The following CGNL1 variants were observed in gnomAD, a reference collection of about 807,000 sequenced individuals.
The protein encoded by CGNL1 is cingulin like 1.
CGNL1 carries 132 observed loss-of-function variants against 141.2 expected under a neutral mutation model. That is an observed-to-expected ratio of 0.93 (90% confidence interval 0.81 to 1.08). The LOEUF (loss-of-function observed/expected upper bound fraction) is 1.08, where lower values mean the gene tolerates loss of function less well. CGNL1 is among the 50% of genes least tolerant of loss of function. The pLI is 0.00. For synonymous variants in CGNL1, 690 were observed against 622.1 expected (o/e 1.11, Z -1.63); for missense variants, 1,870 against 1,588.6 (o/e 1.18, Z -3.01).
At position 57,550,413 on chromosome 15, in the gene CGNL1, C is replaced by T. The variant is rs1289207131; in HGVS notation, c.*2923C>T. The T allele has an allele frequency of 2.0e-5, 3 of 152,572 alleles. No individual in the cohort carries two copies. The highest frequency in any genetic ancestry group is 2.9e-5 in the Non-Finnish European group (2 of 68,040). The allele number at this position is 152,572 out of a possible 1,614,324, so 9.5% of individuals were successfully genotyped here. A position where few individuals can be genotyped will look rare whatever the true frequency, so the allele number is the denominator to read the frequency against. ...TTCTGTTTTTTGCTTTAAGAACTAA[C>T]CCCGATCAAGAGTATTTTCTTTAGC... On this transcript the variant is annotated 3_prime_UTR_variant, in exon 19 of 19. Transcript: ENST00000281282.
intron 14 of CGNL1, among the ~76,000 whole-genome samples, chr15:57,532,799 T>G (rs1354011020): frequency 3.3e-5 from 5 of 152,234 alleles, no homozygotes; most frequent in Non-Finnish European, 7.3e-5. Flanking sequence ...CTAATGACCC[T>G]TAGAGCCTCA....
At chr15:57,508,430 C>T (rs1567160304) in intron 8 of CGNL1, among the ~76,000 whole-genome samples, 1 of 152,174 alleles carries the variant, frequency 6.6e-6, no homozygotes, top group Non-Finnish European at 1.5e-5. Flanking sequence ...AAGGAAGGAA[C>T]CCATCACTTT....
At position 57,481,692 on chromosome 15, in the gene CGNL1, TAGG is replaced by T. The variant is rs549671962; in HGVS notation, c.2403+19803_2403+19805del. 1.4e-4 allele frequency among the ~76,000 whole-genome samples: 22 copies of T among 152,002 alleles called. No individual in the cohort carries two copies. The South Asian group carries it at 3.5e-3, about 24-fold the overall frequency. Reference sequence around the variant, plus strand: ...TGTTTTAATTTTTTTCTGGGATAAATAGGAGTGTGAATATGTTTTAATTTTTTT... The same window carrying T: ...TGTTTTAATTTTTTTCTGGGATAAATAGTGTGAATATGTTTTAATTTTTTT... On this transcript the variant is annotated intron_variant, in intron 8 of 18. Transcript: ENST00000281282.
intron 7 of CGNL1, among the ~76,000 whole-genome samples, chr15:57,454,714 C>T (rs2063358468): frequency 6.6e-6 from 1 of 152,144 alleles, no homozygotes; most frequent in Non-Finnish European, 1.5e-5. Flanking sequence ...CTGAGAAGCC[C>T]TCAGCATTGT....
At chr15:57,468,946 G>C (rs536812538) in intron 8 of CGNL1, among the ~76,000 whole-genome samples, 2 of 152,126 alleles carry the variant, frequency 1.3e-5, no homozygotes, top group African/African-American at 4.8e-5. Context: ...TTTCCTCCTC[G>C]CCTTCCACCA....
intron 1 of CGNL1, among the ~76,000 whole-genome samples, chr15:57,432,069 T>C (rs897209254): frequency 1.3e-5 from 2 of 152,228 alleles, no homozygotes; most frequent in African/African-American, 4.8e-5. Context: ...AATTACTTGT[T>C]CAAAGCAAAC....
chr15:57,413,543 C>T (rs1352147322), intron 1 of CGNL1, among the ~76,000 whole-genome samples: 1 of 152,236 alleles, frequency 6.6e-6, no homozygotes, highest in Non-Finnish European at 1.5e-5. Context: ...CCCTCAGCCT[C>T]CCAAAGTGTT....
At chr15:57,471,466 A>G (rs2063580084) in intron 8 of CGNL1, among the ~76,000 whole-genome samples, 2 of 152,230 alleles carry the variant, frequency 1.3e-5, no homozygotes, top group Admixed American at 1.3e-4. Flanking sequence ...AAGGAGCAGA[A>G]GGTAGGGCTG....
At chr15:57,523,807 A>G (rs2031432676) in intron 11 of CGNL1, among the ~76,000 whole-genome samples, 166 bp downstream of exon 11, 1 of 152,214 alleles carries the variant, frequency 6.6e-6, no homozygotes, top group African/African-American at 2.4e-5. Context: ...TGTTGAAAAG[A>G]TAGACACTGG....
rs182228303 is a variant in CGNL1 at position 57,532,713 on chromosome 15, G to C, written c.3291+934G>C. 6.8e-4 allele frequency among the ~76,000 whole-genome samples: 103 copies of C among 152,276 alleles called. 1 individual carries two copies. Among genetic ancestry groups the C allele is most frequent in the African/African-American group, 2.4e-3 (98 of 41,550 alleles). Reference sequence around the variant, plus strand: ...TGCTAATTAACTTGTCAAGGAAAAGGCTGCATCGTAGAGCCTACTTTCTGT... The same window carrying C: ...TGCTAATTAACTTGTCAAGGAAAAGCCTGCATCGTAGAGCCTACTTTCTGT... On this transcript the variant is annotated intron_variant, in intron 14 of 18. Coordinates refer to ENST00000281282, the MANE Select transcript of CGNL1 (RefSeq NM_032866.5).
Position 57,495,012 on chromosome 15 carries a change from C to T in CGNL1, c.2404-21768C>T, listed in dbSNP as rs547188403. The stretch of plus-strand genomic sequence containing the variant: ...GGAACCGTGAAGATTGTTTTCATCA[C>T]CTCTACTGGAAATGGCTTGAATGAA... On this transcript the variant is annotated intron_variant, in intron 8 of 18. Transcript: ENST00000281282. Among the ~76,000 whole-genome samples, 12 of 152,296 alleles carry T rather than the reference C, an allele frequency of 7.9e-5. 1 individual carries two copies. Among genetic ancestry groups the T allele is most frequent in the African/African-American group, 2.4e-4 (10 of 41,546 alleles).
At chr15:57,538,801 C>G (rs1486786623) in intron 14 of CGNL1, among the ~76,000 whole-genome samples, 3 of 152,244 alleles carry the variant, frequency 2.0e-5, no homozygotes, top group Non-Finnish European at 4.4e-5. Context: ...CTTCTGGGCT[C>G]CACAGTCCCG....
At chr15:57,440,862 A>G (rs2152309645) in intron 3 of CGNL1, among the ~76,000 whole-genome samples, 1 of 152,230 alleles carries the variant, frequency 6.6e-6, no homozygotes, top group South Asian at 2.1e-4. Flanking sequence ...TCCCCTCCCC[A>G]GAGTTAACAT....
chr15:57,437,097 A>C lies in CGNL1; in HGVS notation c.-15-888A>C, dbSNP rs551936160. ...TGTTAGAAGTGAATTTCTGGTGAGG[A>C]ACCTCGGAGTGTGAGGCAGGGTGAG... On this transcript the variant is annotated intron_variant, in intron 1 of 18. Transcript: ENST00000281282. Among the ~76,000 whole-genome samples the C allele has an allele frequency of 3.0e-4, 46 of 152,260 alleles. No homozygotes were observed. The East Asian group carries it at 8.7e-3, about 29-fold the overall frequency.
At chr15:57,442,517 A>G in intron 4 of CGNL1, 39 bp downstream of exon 4, 3 of 1,267,600 alleles carry the variant, frequency 2.4e-6, no homozygotes, top group Non-Finnish European at 3.5e-6. Flanking sequence ...TGCATTTAGC[A>G]TGGAATGTGG....
chr15:57,480,166 G>A (rs2063707595), intron 8 of CGNL1, among the ~76,000 whole-genome samples: 2 of 152,124 alleles, frequency 1.3e-5, no homozygotes, highest in Non-Finnish European at 2.9e-5. Flanking sequence ...CACCTGAGAT[G>A]GGTAATTTTT....
rs541624841 is a variant in CGNL1, at chr15:57,442,353, C to T, written c.1698-20C>T. On this transcript the variant is annotated intron_variant, in intron 3 of 18. Transcript: ENST00000281282. ...CAGTGGTTGTGTCCCTCATTGTTTT[C>T]TCTGCTGTCCCTTTTTCAGAAGCAC... 6.6e-7 allele frequency: 1 copy of T among 1,517,382 alleles called. No homozygotes were observed. The highest frequency in any genetic ancestry group is 9.1e-7 in the Non-Finnish European group (1 of 1,093,086). The allele number at this position is 1,517,382 out of a possible 1,614,324, so 94.0% of individuals were successfully genotyped here. A position where few individuals can be genotyped will look rare whatever the true frequency, so the allele number is the denominator to read the frequency against.
At chr15:57,394,840 A>C (rs1395092241) in intron 1 of CGNL1, among the ~76,000 whole-genome samples, 1 of 152,176 alleles carries the variant, frequency 6.6e-6, no homozygotes, top group Non-Finnish European at 1.5e-5. Flanking sequence ...GGCTGGGCGC[A>C]GTGGCTCATG....
At chr15:57,481,024 A>G (rs1458188711) in intron 8 of CGNL1, among the ~76,000 whole-genome samples, 4 of 133,710 alleles carry the variant, frequency 3.0e-5, no homozygotes, top group East Asian at 2.3e-4. Flanking sequence ...AATAAATAGT[A>G]TGTTTGTTAG....
Sources: gnomAD v4.1 joint callset for allele counts (sites outside exome capture counted in the v4.1 genomes callset) on GRCh38, gnomAD v4.1.1 for gene constraint, MANE v1.5 for transcripts, NCBI Gene and HGNC (gene_info 2026-07-23, HGNC 2026-07-21) for gene names.